The following CENPW variants were observed in gnomAD, a reference collection of about 807,000 sequenced individuals.
The protein encoded by CENPW is cancer-up-regulated gene 2 protein.
In CENPW, 3 loss-of-function variants were observed where a neutral mutation model predicts 11.1. The ratio of observed to expected loss-of-function variants is 0.27; its 90% CI spans 0.12 to 0.70. CENPW has a LOEUF of 0.70. Among genes scored for constraint, CENPW ranks in the 30% least tolerant of loss-of-function variants. The pLI is 0.77. For synonymous variants in CENPW, 38 were observed against 42.0 expected (o/e 0.91, Z 0.37); for missense variants, 100 against 105.6 (o/e 0.95, Z 0.23).
chr6:126,380,398 CT>C, the CENPW span, among the ~76,000 whole-genome samples: 1 of 152,210 alleles, frequency 6.6e-6, no homozygotes. Context: ...GAACTCAGAT[CT>C]GGTGTTGACT....
the CENPW span, among the ~76,000 whole-genome samples, chr6:126,453,306 A>G: frequency 6.6e-6 from 1 of 151,186 alleles, no homozygotes; most frequent in African/African-American, 2.4e-5. Flanking sequence ...AAAGGCAGAT[A>G]GAGAGAAGGG....
At chr6:126,368,164 T>C in the CENPW span, among the ~76,000 whole-genome samples, 33 of 152,314 alleles carry the variant, frequency 2.2e-4, no homozygotes, top group African/African-American at 7.5e-4. Flanking sequence ...AGATAACTAT[T>C]GCATATCCAG....
At chr6:126,409,679 T>C in the CENPW span, among the ~76,000 whole-genome samples, 1 of 152,176 alleles carries the variant, frequency 6.6e-6, no homozygotes, top group Non-Finnish European at 1.5e-5. Context: ...TTAGTCTTTT[T>C]TTAGTCTTTT....
chr6:126,363,759 A>G, the CENPW span, among the ~76,000 whole-genome samples: 10 of 152,220 alleles, frequency 6.6e-5, no homozygotes, highest in Non-Finnish European at 1.3e-4. Flanking sequence ...AAAATCTCCT[A>G]TCAACCTTAT....
At chr6:126,460,932 G>A in the CENPW span, among the ~76,000 whole-genome samples, 8 of 151,888 alleles carry the variant, frequency 5.3e-5, no homozygotes, top group African/African-American at 1.9e-4. Context: ...TCACTAGACA[G>A]GGGATTACTT....
the CENPW span, among the ~76,000 whole-genome samples, chr6:126,454,001 T>C: frequency 1.3e-5 from 2 of 151,416 alleles, no homozygotes. Flanking sequence ...GGTAAAGGGT[T>C]CAATTCAACA....
chr6:126,390,224 A>G, the CENPW span, among the ~76,000 whole-genome samples: 33 of 151,904 alleles, frequency 2.2e-4, no homozygotes, highest in African/African-American at 7.7e-4. Context: ...TTCCTGGACT[A>G]CTGCAATAGC....
chr6:126,399,543 C>T, the CENPW span, among the ~76,000 whole-genome samples: 3 of 152,092 alleles, frequency 2.0e-5, no homozygotes, highest in Non-Finnish European at 4.4e-5. Flanking sequence ...TAAATATACA[C>T]AATTTTTTAT....
the CENPW span, among the ~76,000 whole-genome samples, chr6:126,371,267 TG>T: frequency 6.6e-6 from 1 of 152,232 alleles, no homozygotes; most frequent in Non-Finnish European, 1.5e-5. Context: ...GTCCCTTCTA[TG>T]GTGATTTTAC....
the CENPW span, among the ~76,000 whole-genome samples, chr6:126,423,822 C>T: frequency 6.8e-6 from 1 of 146,644 alleles, no homozygotes; most frequent in African/African-American, 2.5e-5. Flanking sequence ...TAATTTTTCT[C>T]TTAAATTTTT....
the CENPW span, among the ~76,000 whole-genome samples, chr6:126,379,811 T>G: frequency 1.3e-5 from 2 of 152,228 alleles, no homozygotes; most frequent in Admixed American, 6.5e-5. Flanking sequence ...TCAAACGAAT[T>G]AAAGTATAAT....
chr6:126,383,615 A>C, the CENPW span, among the ~76,000 whole-genome samples: 1 of 152,102 alleles, frequency 6.6e-6, no homozygotes, highest in Non-Finnish European at 1.5e-5. Context: ...AAAAAAAATC[A>C]GGGGTTGCAA....
chr6:126,350,832 CAT>C (rs540470576), downstream of CENPW, among the ~76,000 whole-genome samples: 141 of 151,454 alleles, frequency 9.3e-4, no homozygotes, highest in African/African-American at 3.2e-3. Flanking sequence ...ACATGTTTAA[CAT>C]AAAATTATAT....
At chr6:126,414,807 A>T in the CENPW span, among the ~76,000 whole-genome samples, 1 of 151,878 alleles carries the variant, frequency 6.6e-6, no homozygotes, top group African/African-American at 2.4e-5. Flanking sequence ...ACTAAAAAAA[A>T]AGATGAAGAA....
At chr6:126,432,091 AG>A in the CENPW span, among the ~76,000 whole-genome samples, 52 of 149,624 alleles carry the variant, frequency 3.5e-4, no homozygotes, top group African/African-American at 1.3e-3. Flanking sequence ...AAAAAAAAAA[AG>A]AGGGTATTTT....
the CENPW span, among the ~76,000 whole-genome samples, chr6:126,397,116 A>T: frequency 6.6e-6 from 1 of 152,096 alleles, no homozygotes; most frequent in Non-Finnish European, 1.5e-5. Flanking sequence ...GCACAGCACT[A>T]GGACTTGCCC....
chr6:126,464,325 T>C, the CENPW span, among the ~76,000 whole-genome samples: 2 of 152,112 alleles, frequency 1.3e-5, no homozygotes, highest in Admixed American at 1.3e-4. Flanking sequence ...ATTTTATCAA[T>C]CTGATAGAGG....
chr6:126,375,566 T>C, the CENPW span, among the ~76,000 whole-genome samples: 3 of 152,128 alleles, frequency 2.0e-5, no homozygotes, highest in Non-Finnish European at 4.4e-5. Flanking sequence ...CTTTCCCGTC[T>C]TTGCTCTCCA....
the CENPW span, among the ~76,000 whole-genome samples, chr6:126,398,004 G>A: frequency 6.6e-6 from 1 of 151,846 alleles, no homozygotes; most frequent in Non-Finnish European, 1.5e-5. Flanking sequence ...AACTAGATTT[G>A]GTTCATTATA....
Sources: allele counts gnomAD v4.1 joint callset (sites outside exome capture counted in the v4.1 genomes callset), GRCh38; gene constraint gnomAD v4.1.1; transcripts MANE v1.5; gene names NCBI Gene and HGNC (gene_info 2026-07-23, HGNC 2026-07-21).